Variants in PRKG1 observed in about 807,000 individuals in gnomAD.
The protein encoded by PRKG1 is protein kinase cGMP-dependent 1, also known as cGMP-dependent protein kinase 1.
In PRKG1, 35 loss-of-function variants were observed where a neutral mutation model predicts 88.1. The observed-to-expected ratio is 0.40, with a 90% CI of 0.30 to 0.53. The LOEUF (loss-of-function observed/expected upper bound fraction) is 0.53, where lower values mean the gene tolerates loss of function less well. Among genes scored for constraint, PRKG1 ranks in the 20% least tolerant of loss-of-function variants. The pLI, the probability that PRKG1 is intolerant of heterozygous loss-of-function variation, is 0.59. For synonymous variants in PRKG1, 303 were observed against 292.5 expected, an observed-to-expected ratio of 1.04 and a Z score of -0.37; for missense variants, 540 against 839.8, an observed-to-expected ratio of 0.64 and a Z score of 4.41.
At chr10:51,555,487 T>C (rs1453829489) in intron 3 of PRKG1, among the ~76,000 whole-genome samples, 1 of 151,938 alleles carries the variant, frequency 6.6e-6, no homozygotes, top group East Asian at 1.9e-4. Flanking sequence ...TTAAATGTGT[T>C]GTAACACAGA....
intron 3 of PRKG1, among the ~76,000 whole-genome samples, chr10:51,627,936 T>TCCCTTCCTTC (rs1564579569): frequency 1.9e-4 from 7 of 36,712 alleles, no homozygotes; most frequent in Admixed American, 3.5e-4. Flanking sequence ...CTTTCTTCCT[T>TCCCTTCCTTC]CCTTCCTTTC....
intron 7 of PRKG1, chr10:52,062,999 C>A (rs939026868): frequency 1.8e-6 from 1 of 552,792 alleles, no homozygotes; most frequent in African/African-American, 1.9e-5. Context: ...AATCCCTAAA[C>A]CTGTTTGTAC....
At chr10:51,321,962 T>A (rs756565179) in intron 2 of PRKG1, among the ~76,000 whole-genome samples, 1 of 152,180 alleles carries the variant, frequency 6.6e-6, no homozygotes, top group South Asian at 2.1e-4. Flanking sequence ...TAGGAAATCT[T>A]GCATCACATT....
At chr10:51,766,261 A>T (rs549138046) in intron 3 of PRKG1, among the ~76,000 whole-genome samples, 5 of 152,300 alleles carry the variant, frequency 3.3e-5, no homozygotes, top group African/African-American at 1.2e-4. Flanking sequence ...AGGGCTGGGC[A>T]TCTCATTTGC....
chr10:51,753,941 TTTG>T lies in PRKG1; in HGVS notation c.593-50635_593-50633del, dbSNP rs201706072. ...ATTTTGCTCTTTTGTCTTTGATCGT[TTTG>T]TTGTTGTTCTTTTTTTGTATTTTTG... On this transcript the variant is annotated intron_variant, in intron 3 of 17. Transcript: ENST00000373980. Among the ~76,000 whole-genome samples, 812 of 152,222 alleles carry T rather than the reference TTTG, an allele frequency of 5.3e-3. 6 individuals carry two copies. The highest frequency in any genetic ancestry group is 0.018 in the African/African-American group (752 of 41,542).
chr10:51,911,848 G>C (rs1263500991), intron 5 of PRKG1, among the ~76,000 whole-genome samples: 1 of 152,186 alleles, frequency 6.6e-6, no homozygotes, highest in Non-Finnish European at 1.5e-5. Context: ...AAGAACCCCA[G>C]ATAATTTTGA....
intron 2 of PRKG1, among the ~76,000 whole-genome samples, chr10:51,265,802 G>T (rs112092280): frequency 6.6e-6 from 1 of 152,288 alleles, no homozygotes; most frequent in African/African-American, 2.4e-5. Flanking sequence ...ACATTAGCCC[G>T]AAAGGATTAA....
intron 9 of PRKG1, among the ~76,000 whole-genome samples, chr10:52,241,757 G>A (rs187927099): frequency 4.3e-4 from 65 of 152,296 alleles, no homozygotes; most frequent in Non-Finnish European, 7.6e-4. Flanking sequence ...TAGTGTTTAA[G>A]TCCTGCCTTA....
intron 1 of PRKG1, among the ~76,000 whole-genome samples, chr10:51,018,234 T>G (rs139733484): frequency 6.6e-6 from 1 of 152,346 alleles, no homozygotes; most frequent in East Asian, 1.9e-4. Flanking sequence ...AAGGATAATT[T>G]TGCTGGATGT....
chr10:52,276,574 A>G (rs563331056), intron 12 of PRKG1, among the ~76,000 whole-genome samples: 118 of 152,256 alleles, frequency 7.8e-4, no homozygotes, highest in African/African-American at 2.8e-3. Flanking sequence ...TCTAACTGCC[A>G]TCTAGCTTAA....
At chr10:52,075,090 G>A (rs756940795) in intron 7 of PRKG1, among the ~76,000 whole-genome samples, 22 of 152,014 alleles carry the variant, frequency 1.4e-4, no homozygotes, top group Non-Finnish European at 2.6e-4. Flanking sequence ...GGGCCATTTC[G>A]AAAAATGTCA....
intron 4 of PRKG1, among the ~76,000 whole-genome samples, chr10:51,809,914 C>T (rs770918298): frequency 7.9e-5 from 12 of 152,162 alleles, no homozygotes; most frequent in Non-Finnish European, 1.3e-4. Flanking sequence ...TTTATTCTCT[C>T]ATCCTCCCTT....
intron 3 of PRKG1, chr10:51,698,973 G>T: frequency 6.2e-6 from 10 of 1,614,222 alleles, no homozygotes; most frequent in Non-Finnish European, 7.6e-6. Context: ...TGTATCTTCC[G>T]ATGCAGAATT....
At chr10:52,025,583 G>T (rs1845314554) in intron 5 of PRKG1, among the ~76,000 whole-genome samples, 1 of 151,862 alleles carries the variant, frequency 6.6e-6, no homozygotes, top group Non-Finnish European at 1.5e-5. Context: ...TTAAATAGAG[G>T]TTCCTTTCCC....
intron 5 of PRKG1, among the ~76,000 whole-genome samples, chr10:51,996,256 A>G (rs1158477889): frequency 7.4e-6 from 1 of 135,118 alleles, no homozygotes; most frequent in African/African-American, 2.7e-5. Context: ...TGGAGGTTGC[A>G]GTGAGCTGAG....
chr10:51,128,593 A>G (rs576543625), intron 1 of PRKG1, among the ~76,000 whole-genome samples: 198 of 152,314 alleles, frequency 1.3e-3, no homozygotes, highest in African/African-American at 4.6e-3. Context: ...TCAAGATGAA[A>G]TGCCTAGTAT....
intron 3 of PRKG1, among the ~76,000 whole-genome samples, chr10:51,528,328 G>A (rs1215521752): frequency 6.6e-6 from 1 of 152,154 alleles, no homozygotes; most frequent in Non-Finnish European, 1.5e-5. Flanking sequence ...TCAGTTGATT[G>A]TAAGAAAACA....
At chr10:51,460,754 A>G (rs1183778851) in intron 2 of PRKG1, among the ~76,000 whole-genome samples, 1 of 152,190 alleles carries the variant, frequency 6.6e-6, no homozygotes, top group Non-Finnish European at 1.5e-5. Flanking sequence ...TGACCCATCT[A>G]CAATAGGTTT....
At chr10:51,268,290 A>G (rs1326881746) in intron 2 of PRKG1, among the ~76,000 whole-genome samples, 1 of 152,154 alleles carries the variant, frequency 6.6e-6, no homozygotes, top group Admixed American at 6.5e-5. Flanking sequence ...TCTTATCAGG[A>G]GACAGGGTTT....
Sources: gnomAD v4.1 joint callset for allele counts (sites outside exome capture counted in the v4.1 genomes callset) on GRCh38, gnomAD v4.1.1 for gene constraint, MANE v1.5 for transcripts, NCBI Gene and HGNC (gene_info 2026-07-23, HGNC 2026-07-21) for gene names.